Variants in PLA2G4C observed in about 807,000 individuals in gnomAD.
The protein encoded by PLA2G4C is phospholipase A2 group IVC.
In PLA2G4C, 64 loss-of-function variants were observed where a neutral mutation model predicts 73.8. The ratio of observed to expected loss-of-function variants is 0.87; its 90% confidence interval spans 0.71 to 1.07. The LOEUF is 1.07. Among genes scored for constraint, PLA2G4C ranks in the 50% least tolerant of loss-of-function variants. The probability of loss-of-function intolerance (pLI) is 0.00; values close to 1 mark genes in which losing one functional copy is unlikely to be tolerated. For synonymous variants in PLA2G4C, 254 were observed against 252.1 expected (o/e 1.01, Z -0.07); for missense variants, 622 against 665.4 (o/e 0.93, Z 0.72).
intron 12 of PLA2G4C, among the ~76,000 whole-genome samples, chr19:48,073,342 A>T (rs927424230): frequency 9.2e-5 from 14 of 151,922 alleles, no homozygotes; most frequent in African/African-American, 3.4e-4. Flanking sequence ...GAGCCACTGC[A>T]CCCAGCCCTC....
At chr19:48,069,401 C>T (rs1361999898) in intron 12 of PLA2G4C, among the ~76,000 whole-genome samples, 1 of 152,144 alleles carries the variant, frequency 6.6e-6, no homozygotes, top group Admixed American at 6.6e-5. Context: ...GCTCCCTTCC[C>T]CAGCCCAAGA....
chr19:48,073,580 G>A (rs909181985), intron 12 of PLA2G4C, among the ~76,000 whole-genome samples: 8 of 151,672 alleles, frequency 5.3e-5, no homozygotes, highest in South Asian at 2.1e-4. Flanking sequence ...GAGGGTGGGC[G>A]TATCAGTCCA....
chr19:48,052,682 C>T (rs1009855983), intron 16 of PLA2G4C, among the ~76,000 whole-genome samples: 2 of 152,196 alleles, frequency 1.3e-5, no homozygotes, highest in Non-Finnish European at 2.9e-5. Flanking sequence ...AAGGAACCAG[C>T]GCTGCTGATA....
At chr19:48,100,315 G>A (rs1036792268) in intron 4 of PLA2G4C, among the ~76,000 whole-genome samples, 5 of 152,022 alleles carry the variant, frequency 3.3e-5, no homozygotes, top group Admixed American at 6.6e-5. Context: ...TCAGGAGTTC[G>A]AGACCAGCCT....
rs571131489 is a variant in PLA2G4C at position 48,090,392 on chromosome 19, G to A, written c.735C>T (p.Asn245=). The A allele has an allele frequency of 5.0e-6, 8 of 1,612,552 alleles. No individual in the cohort carries two copies. The highest frequency in any genetic ancestry group is 1.3e-5 in the African/African-American group (1 of 75,002). The stretch of plus-strand genomic sequence containing the variant: ...AAATGTATTCCCTAATGACTTCAGT[G>A]TTACCAAGAGCACTTCCCCATAAAC... ...LRGLWGSALG[N]TEVIREYIFD... is the part of the protein sequence containing the mutation. The change falls in exon 8 of 17, where the codon AAC becomes AAT. Residue 245 remains asparagine, a synonymous_variant. Transcript: ENST00000599921.
Position 48,099,660 on chromosome 19 carries a change from G to A in PLA2G4C, c.447+11C>T, listed in dbSNP as rs765858690. ...ACCCCCACCCCAGGTCCCCAGCTGG[G>A]AATGACTTACTTCTCTGGTTTGCTT... On this transcript the variant is annotated intron_variant, in intron 5 of 16. Coordinates refer to ENST00000599921, the MANE Select transcript of PLA2G4C (RefSeq NM_003706.3). The A allele has an allele frequency of 6.2e-7, 1 of 1,607,190 alleles. No homozygotes were observed. Among genetic ancestry groups the A allele is most frequent in the African/African-American group, 1.3e-5 (1 of 74,864 alleles).
chr19:48,056,056 T>C (rs1465570726), intron 14 of PLA2G4C, among the ~76,000 whole-genome samples: 1 of 152,214 alleles, frequency 6.6e-6, no homozygotes, highest in Non-Finnish European at 1.5e-5. Flanking sequence ...AGTTTCTCAG[T>C]TGTAACAAGT....
chr19:48,096,078 C>T (rs1331116033), intron 6 of PLA2G4C, among the ~76,000 whole-genome samples: 3 of 152,094 alleles, frequency 2.0e-5, no homozygotes, highest in South Asian at 2.1e-4. Context: ...TTGGGATGGG[C>T]GGGCCAGTGA....
intron 7 of PLA2G4C, among the ~76,000 whole-genome samples, chr19:48,091,434 C>T (rs933942737): frequency 1.3e-5 from 2 of 152,058 alleles, no homozygotes; most frequent in Admixed American, 6.6e-5. Context: ...GTGATCTGCC[C>T]GCCTCGGCCT....
At chr19:48,053,364 C>CTTTTTTTTTTTTTTTTTTTTTTTTTTT (rs1174332835) in intron 15 of PLA2G4C, among the ~76,000 whole-genome samples, 1 of 100,624 alleles carries the variant, frequency 9.9e-6, no homozygotes, top group Non-Finnish European at 2.0e-5. Context: ...GTCCTTTTTT[C>CTTTTTTTTTTTTTTTTTTTTTTTTTTT]TTTTTTTTTT....
chr19:48,104,735 G>A lies in PLA2G4C; in HGVS notation c.121-11C>T. The A allele has an allele frequency of 6.2e-7, 1 of 1,613,538 alleles. No individual in the cohort carries two copies. Among genetic ancestry groups the A allele is most frequent in the South Asian group, 1.1e-5 (1 of 90,994 alleles). ...AGCAACAACTGGGGCCTAGGCATTG[G>A]GGAGAAAATCGATCAGAGGTTTAGA... On this transcript the variant is annotated splice_polypyrimidine_tract_variant and intron_variant, in intron 3 of 16. Transcript: ENST00000599921.
chr19:48,073,215 T>G (rs1325804904), intron 12 of PLA2G4C, among the ~76,000 whole-genome samples: 1 of 151,860 alleles, frequency 6.6e-6, no homozygotes, highest in Non-Finnish European at 1.5e-5. Flanking sequence ...CCAGCTAATT[T>G]TTTACAAAAA....
chr19:48,054,156 T>C (rs1967837087), intron 15 of PLA2G4C, among the ~76,000 whole-genome samples: 1 of 152,264 alleles, frequency 6.6e-6, no homozygotes, highest in East Asian at 1.9e-4. Context: ...GGTGGTGATA[T>C]GGTTTGGCTG....
intron 13 of PLA2G4C, 38 bp from the exon 14 acceptor site, chr19:48,062,190 G>C (rs1432198554): frequency 1.8e-5 from 27 of 1,507,286 alleles, no homozygotes; most frequent in Non-Finnish European, 2.3e-5. Flanking sequence ...AGCTGCTTCT[G>C]GGGACTGAAA....
In PLA2G4C at chr19:48,110,477, C is replaced by G. The variant is rs957557120; in HGVS notation, c.-33+10G>C. ...GGGATGAAACAGCCCTCCCTGCCCCCACGGCTTGCCTGAGCCTGGGTCTGG... is the reference window on the plus strand; with the variant it reads ...GGGATGAAACAGCCCTCCCTGCCCCGACGGCTTGCCTGAGCCTGGGTCTGG... On this transcript the variant is annotated intron_variant, in intron 1 of 16. Coordinates refer to ENST00000599921, the MANE Select transcript of PLA2G4C (RefSeq NM_003706.3). The G allele has an allele frequency of 5.7e-6, 8 of 1,398,050 alleles. No individual in the cohort carries two copies. The African/African-American group carries it at 1.5e-4, about 26-fold the overall frequency. 86.6% of individuals were successfully genotyped at this position (1,398,050 alleles called of 1,614,324 possible).
At chr19:48,058,888 A>G (rs995840217) in intron 14 of PLA2G4C, among the ~76,000 whole-genome samples, 4 of 152,078 alleles carry the variant, frequency 2.6e-5, no homozygotes, top group Admixed American at 2.6e-4. Context: ...AAGCCCCATC[A>G]TGGAAAGAAT....
Position 48,053,103 on chromosome 19 carries a change from C to T in PLA2G4C, c.1474G>A (p.Ala492Thr). 6.2e-7 allele frequency: 1 copy of T among 1,612,120 alleles called. No homozygotes were observed. The highest frequency in any genetic ancestry group is 8.5e-7 in the Non-Finnish European group (1 of 1,178,528). ...ACCACATCTAGAGTGTAGGTGTCAGCAAGCTTGAATGTGTCGTATGTGTCA... is the reference window on the plus strand; with the variant it reads ...ACCACATCTAGAGTGTAGGTGTCAGTAAGCTTGAATGTGTCGTATGTGTCA... ...WSDTYDTFKLADTYTLDVVVL... is the reference protein window; with the variant it reads ...WSDTYDTFKLTDTYTLDVVVL... The change falls in exon 16 of 17, where the codon GCT (alanine) becomes ACT (threonine). Residue 492 changes from alanine to threonine, a missense_variant. Coordinates refer to ENST00000599921, the MANE Select transcript of PLA2G4C (RefSeq NM_003706.3).
chr19:48,058,339 T>C (rs1341728448), intron 14 of PLA2G4C, among the ~76,000 whole-genome samples: 1 of 151,684 alleles, frequency 6.6e-6, no homozygotes, highest in Non-Finnish European at 1.5e-5. Flanking sequence ...GGTCTTGCTA[T>C]GTTGCCCAGG....
chr19:48,063,606 C>T (rs1457193898), intron 13 of PLA2G4C, among the ~76,000 whole-genome samples: 3 of 137,754 alleles, frequency 2.2e-5, no homozygotes, highest in Non-Finnish European at 4.7e-5. Context: ...CAACTCCTAC[C>T]CCCCCACAAC....
Sources: allele counts gnomAD v4.1 joint callset (sites outside exome capture counted in the v4.1 genomes callset), GRCh38; gene constraint gnomAD v4.1.1; transcripts MANE v1.5; gene names NCBI Gene and HGNC (gene_info 2026-07-23, HGNC 2026-07-21).